Variants in RADX observed in about 807,000 individuals in gnomAD.
The protein encoded by RADX is RPA-related protein RADX.
In RADX, 36 loss-of-function variants were observed where a neutral mutation model predicts 61.6. The observed-to-expected ratio is 0.58, with a 90% CI of 0.45 to 0.77. The LOEUF is 0.77. Ranked by LOEUF, RADX falls within the 30% of genes least tolerant of loss-of-function variation. The probability of loss-of-function intolerance (pLI) is 0.00; values close to 1 mark genes in which losing one functional copy is unlikely to be tolerated. For synonymous variants in RADX, 272 were observed against 237.9 expected, an observed-to-expected ratio of 1.14 and a Z score of -1.32; for missense variants, 497 against 651.1, an observed-to-expected ratio of 0.76 and a Z score of 2.58.
intron 13 of RADX, among the ~76,000 whole-genome samples, chrX:106,672,170 T>C (rs1164872743): frequency 8.9e-6 from 1 of 111,978 alleles, no homozygotes; most frequent in African/African-American, 3.2e-5. Context: ...ATTTTAACCA[T>C]TTTATATGTA....
In RADX at chrX:106,644,881, T is replaced by C. The variant is rs770346654; in HGVS notation, c.1905-3432T>C. Among the ~76,000 whole-genome samples the C allele has an allele frequency of 2.7e-5, 3 of 111,281 alleles. No individual in the cohort carries two copies. In the South Asian group the frequency reaches 1.1e-3, roughly 42 times the overall value. On this transcript the variant is annotated intron_variant, in intron 10 of 13. Coordinates refer to ENST00000372548, the MANE Select transcript of RADX (RefSeq NM_018015.6). ...TGAAATGTTTGGTAGAATTCATCAG[T>C]GTAGCCATTGGATCCCAGGCTTTTC... is the stretch of plus-strand genomic sequence containing the variant.
chrX:106,658,018 T>C (rs755605529), intron 11 of RADX, among the ~76,000 whole-genome samples: 2 of 111,552 alleles, frequency 1.8e-5, no homozygotes, highest in Non-Finnish European at 3.8e-5. Context: ...ATAAAGTGCA[T>C]TAAAACAAGG....
intron 1 of RADX, among the ~76,000 whole-genome samples, chrX:106,620,899 A>T (rs1926927900): frequency 8.9e-6 from 1 of 112,176 alleles, no homozygotes; most frequent in Admixed American, 9.5e-5. Context: ...TTTGAGAGAT[A>T]AAATGTGTAT....
chrX:106,634,530 C>A (rs746130450), intron 6 of RADX, among the ~76,000 whole-genome samples: 1 of 111,483 alleles, frequency 9.0e-6, no homozygotes, highest in South Asian at 3.8e-4. Flanking sequence ...TCTGCTGCCC[C>A]TTTATTCTCT....
At chrX:106,667,737 C>G (rs779043756) in intron 12 of RADX, among the ~76,000 whole-genome samples, 1 of 112,045 alleles carries the variant, frequency 8.9e-6, no homozygotes, top group East Asian at 2.8e-4. Flanking sequence ...CAATAACACA[C>G]TAATATGTCT....
At chrX:106,671,152 A>G (rs1455426232) in intron 13 of RADX, among the ~76,000 whole-genome samples, 1 of 112,030 alleles carries the variant, frequency 8.9e-6, no homozygotes, top group East Asian at 2.8e-4. Flanking sequence ...TTATGAAAGT[A>G]TGTATTCTAT....
At chrX:106,639,810 A>T (rs746465722) in intron 9 of RADX, 123 bp downstream of exon 9, 11 of 544,868 alleles carry the variant, frequency 2.0e-5, no homozygotes, top group Non-Finnish European at 2.6e-5. Flanking sequence ...AGCCTAAGAG[A>T]AAACATTAGG....
chrX:106,621,466 G>T (rs943247332), intron 1 of RADX, among the ~76,000 whole-genome samples: 8 of 111,832 alleles, frequency 7.2e-5, no homozygotes, highest in Non-Finnish European at 1.1e-4. Flanking sequence ...TTGAAACTGT[G>T]GGCTGTGAGA....
At position 106,655,235 on chromosome X, in the gene RADX, A is replaced by T. The variant is rs760578652; in HGVS notation, c.1979-6780A>T. 1.2e-4 allele frequency among the ~76,000 whole-genome samples: 13 copies of T among 110,693 alleles called. No homozygotes were observed. The South Asian group carries it at 5.0e-3, about 43-fold the overall frequency. On this transcript the variant is annotated intron_variant, in intron 11 of 13. Coordinates refer to ENST00000372548, the MANE Select transcript of RADX (RefSeq NM_018015.6). Reference sequence around the variant, plus strand: ...CTAACCATCATCTGAGCCTTAAGTGAGTCGTAGTCTTTTTGCTGGCGGAGG... The same window carrying T: ...CTAACCATCATCTGAGCCTTAAGTGTGTCGTAGTCTTTTTGCTGGCGGAGG...
intron 12 of RADX, among the ~76,000 whole-genome samples, chrX:106,668,423 A>G (rs1928281458): frequency 8.9e-6 from 1 of 112,020 alleles, no homozygotes; most frequent in South Asian, 3.7e-4. Context: ...TCTAGCCAAG[A>G]TGGTCTTTTA....
intron 11 of RADX, among the ~76,000 whole-genome samples, chrX:106,649,298 T>TA (rs34755081): frequency 0.11 from 12,046 of 110,916 alleles, 1,629 homozygotes; most frequent in African/African-American, 0.38. Flanking sequence ...TAATTTGAAT[T>TA]AAAAAAATGT....
At chrX:106,614,288 T>A in intron 1 of RADX, among the ~76,000 whole-genome samples, 1 of 112,000 alleles carries the variant, frequency 8.9e-6, no homozygotes, top group Non-Finnish European at 1.9e-5. Context: ...GGAATTAATG[T>A]CGCATTGTGT....
intron 11 of RADX, among the ~76,000 whole-genome samples, chrX:106,660,655 C>T (rs1347760689): frequency 8.9e-6 from 1 of 111,786 alleles, no homozygotes; most frequent in Non-Finnish European, 1.9e-5. Context: ...GTTCCAAAAT[C>T]AATTTTTTTT....
intron 12 of RADX, among the ~76,000 whole-genome samples, chrX:106,667,692 T>A (rs1373241882): frequency 9.0e-6 from 1 of 111,311 alleles, no homozygotes; most frequent in East Asian, 2.8e-4. Flanking sequence ...CTACTCCCAA[T>A]ATTTTATAAT....
rs192511469 is a variant in RADX, at chrX:106,669,084, G to A, written c.2270-79G>A. ...TCTAAAGCTATCTGGAACATGTTGG[G>A]ATCAAACCAGCAAACTCGGCATCAG... On this transcript the variant is annotated intron_variant, in intron 12 of 13. Coordinates refer to ENST00000372548, the MANE Select transcript of RADX (RefSeq NM_018015.6). The A allele has an allele frequency of 6.3e-6, 5 of 791,476 alleles. No individual in the cohort carries two copies. In the Admixed American group the frequency reaches 1.2e-4, roughly 20 times the overall value. 65.2% of individuals were successfully genotyped at this position (791,476 alleles called of 1,213,427 possible). A position where few individuals can be genotyped will look rare whatever the true frequency, so the allele number is the denominator to read the frequency against.
intron 3 of RADX, among the ~76,000 whole-genome samples, chrX:106,631,511 C>T (rs1363485833): frequency 9.3e-6 from 1 of 107,995 alleles, no homozygotes; most frequent in Non-Finnish European, 1.9e-5. Flanking sequence ...AGTTCAAGAT[C>T]AGCCTGGGCA....
At chrX:106,635,059 T>TA (rs1359316044) in intron 6 of RADX, among the ~76,000 whole-genome samples, 1 of 111,448 alleles carries the variant, frequency 9.0e-6, no homozygotes, top group African/African-American at 3.3e-5. Context: ...TAATGGTGAG[T>TA]ATTAAGGGGG....
At chrX:106,640,840 A>G (rs1569425556) in intron 10 of RADX, 119 bp downstream of exon 10, 3 of 465,181 alleles carry the variant, frequency 6.4e-6, no homozygotes, top group Non-Finnish European at 1.0e-5. Flanking sequence ...CCATAACAAA[A>G]TACCACAACT....
intron 10 of RADX, among the ~76,000 whole-genome samples, chrX:106,643,149 A>T (rs1927564682): frequency 9.0e-6 from 1 of 111,329 alleles, no homozygotes; most frequent in African/African-American, 3.3e-5. Context: ...ACGTCTATTC[A>T]AATCTTTTGC....
Sources: allele counts gnomAD v4.1 joint callset (sites outside exome capture counted in the v4.1 genomes callset), GRCh38; gene constraint gnomAD v4.1.1; transcripts MANE v1.5; gene names NCBI Gene and HGNC (gene_info 2026-07-23, HGNC 2026-07-21).